Variants in SPINDOC observed in about 807,000 individuals in gnomAD.
The protein encoded by SPINDOC is spindlin interactor and repressor of chromatin binding, also known as spindlin interactor and repressor of chromatin-binding protein.
Under a neutral mutation model 30.7 loss-of-function variants are expected in SPINDOC, and 13 were observed. The ratio of observed to expected loss-of-function variants is 0.42; its 90% CI spans 0.28 to 0.67. The LOEUF is 0.67. Among genes scored for constraint, SPINDOC ranks in the 30% least tolerant of loss-of-function variants. The probability of loss-of-function intolerance (pLI) is 0.22; values close to 1 mark genes in which losing one functional copy is unlikely to be tolerated. For synonymous variants in SPINDOC, 228 were observed against 211.4 expected, an observed-to-expected ratio of 1.08 and a Z score of -0.68; for missense variants, 438 against 518.0, an observed-to-expected ratio of 0.85 and a Z score of 1.50.
At chr11:63,822,214 G>A (rs529109293) in intron 5 of SPINDOC, among the ~76,000 whole-genome samples, 2 of 152,028 alleles carry the variant, frequency 1.3e-5, no homozygotes, top group South Asian at 2.1e-4. Flanking sequence ...ATGTTGGTGT[G>A]CACCTCTAGT....
Position 63,827,174 on chromosome 11 carries a change from G to A in SPINDOC, c.*35G>A, listed in dbSNP as rs1176833308. 6.2e-7 allele frequency: 1 copy of A among 1,605,612 alleles called. No individual in the cohort carries two copies. Among genetic ancestry groups the A allele is most frequent in the African/African-American group, 1.3e-5 (1 of 74,792 alleles). On this transcript the variant is annotated 3_prime_UTR_variant, in exon 6 of 6. Transcript: ENST00000294244. ...TTCCTGGGGAGGGAGGGAGGGATGA[G>A]GCAGCGTCCCCCAGTGGCTTATAAC...
intron 5 of SPINDOC, among the ~76,000 whole-genome samples, chr11:63,823,683 C>T (rs1210102789): frequency 2.6e-5 from 4 of 151,862 alleles, no homozygotes; most frequent in Non-Finnish European, 5.9e-5. Context: ...GCAAGCTCCG[C>T]CTCCTCCCAG....
At chr11:63,825,747 G>A (rs10897450) in intron 5 of SPINDOC, among the ~76,000 whole-genome samples, 1 of 151,890 alleles carries the variant, frequency 6.6e-6, no homozygotes, top group South Asian at 2.1e-4. Context: ...GATAAAAATG[G>A]GGTGGCAGCC....
chr11:63,820,663 G>A (rs1179878320), intron 5 of SPINDOC, among the ~76,000 whole-genome samples: 4 of 151,084 alleles, frequency 2.6e-5, no homozygotes, highest in Admixed American at 1.3e-4. Context: ...AGGCTGAGAC[G>A]GGCGGATCAC....
At chr11:63,819,222 G>GT (rs2135145038) in intron 5 of SPINDOC, among the ~76,000 whole-genome samples, 1 of 152,294 alleles carries the variant, frequency 6.6e-6, no homozygotes, top group African/African-American at 2.4e-5. Flanking sequence ...CTGTTTGTTT[G>GT]TTTTTTGAGA....
chr11:63,820,821 C>T (rs1590934275), intron 5 of SPINDOC, among the ~76,000 whole-genome samples: 2 of 136,398 alleles, frequency 1.5e-5, no homozygotes, highest in Non-Finnish European at 3.1e-5. Flanking sequence ...ACCCGGGAGG[C>T]GGAGCTTGCA....
chr11:63,820,560 G>A (rs2015485898), intron 5 of SPINDOC, among the ~76,000 whole-genome samples: 1 of 151,864 alleles, frequency 6.6e-6, no homozygotes, highest in South Asian at 2.1e-4. Context: ...TTTCCTATTT[G>A]CTGCTGTAAC....
chr11:63,814,826 A>G (rs1400824066), intron 1 of SPINDOC, among the ~76,000 whole-genome samples: 2 of 152,208 alleles, frequency 1.3e-5, no homozygotes, highest in African/African-American at 2.4e-5. Flanking sequence ...ACTTCTGCTA[A>G]TATTTGTTGA....
chr11:63,821,848 A>G (rs2015530701), intron 5 of SPINDOC, among the ~76,000 whole-genome samples: 1 of 152,122 alleles, frequency 6.6e-6, no homozygotes, highest in Admixed American at 6.6e-5. Flanking sequence ...TCCCAGGCTC[A>G]AGCAGTCCTC....
intron 5 of SPINDOC, chr11:63,823,494 C>T (rs2015582476): frequency 6.2e-6 from 2 of 322,016 alleles, no homozygotes; most frequent in South Asian, 4.6e-5. Flanking sequence ...GAGGACCTTG[C>T]CAGAGGAGGA....
chr11:63,822,664 C>A, intron 5 of SPINDOC: 1 of 1,289,116 alleles, frequency 7.8e-7, no homozygotes, highest in Non-Finnish European at 1.0e-6. Context: ...TCCTGGCTCC[C>A]TGAGACCGAG....
chr11:63,818,509 G>A lies in SPINDOC; in HGVS notation c.608-18G>A, dbSNP rs1440602341. The A allele has an allele frequency of 1.2e-6, 2 of 1,609,942 alleles. No homozygotes were observed. Among genetic ancestry groups the A allele is most frequent in the African/African-American group, 1.3e-5 (1 of 74,690 alleles). ...GGATGGCCTCTTTAAAAGGGTATGA[G>A]GTCTTTTCTTTTTGCAGCTGTCCCT... On this transcript the variant is annotated intron_variant, in intron 3 of 5. Transcript: ENST00000294244. This position sits in a 1 kb window ranked among gnomAD's most constrained non-coding sequence, Gnocchi z 5.3.
chr11:63,817,439 G>A (rs1452840783), intron 1 of SPINDOC, among the ~76,000 whole-genome samples: 1 of 152,194 alleles, frequency 6.6e-6, no homozygotes, highest in Admixed American at 6.5e-5. Context: ...TCTATTGTCA[G>A]GGATTGGGGT....
At position 63,817,972 on chromosome 11, in the gene SPINDOC, C is replaced by T. The variant is rs748772025; in HGVS notation, c.295C>T (p.Arg99Trp). ...GTGCATGGTGTGTGGCGCTGAGATC[C>T]GGGCACCCTCGGCCGACACAGCTCG... The part of the protein sequence containing the change: ...ALCMVCGAEI[R>W]APSADTARSH... Residue 99 changes from arginine to tryptophan, a missense_variant, in exon 2 of 6, where the codon CGG (arginine) becomes TGG (tryptophan). Physicochemically the swap from Arg to Trp is moderately radical, Grantham distance 101 (BLOSUM62 -3). Coordinates refer to ENST00000294244, the MANE Select transcript of SPINDOC (RefSeq NM_138471.3). The T allele has an allele frequency of 1.4e-5, 23 of 1,614,004 alleles. No homozygotes were observed. The highest frequency in any genetic ancestry group is 2.2e-5 in the South Asian group (2 of 91,082).
At chr11:63,820,754 G>T (rs926087078) in intron 5 of SPINDOC, among the ~76,000 whole-genome samples, 1 of 151,202 alleles carries the variant, frequency 6.6e-6, no homozygotes, top group Non-Finnish European at 1.5e-5. Context: ...GCCGGGCATG[G>T]TGGCGCACGC....
rs1565075417 is a variant in SPINDOC, at chr11:63,818,007, C to T, written c.330C>T (p.Ile110=). 2 of 1,614,216 alleles carry T rather than the reference C, an allele frequency of 1.2e-6. No individual in the cohort carries two copies. The highest frequency in any genetic ancestry group is 1.1e-5 in the South Asian group (1 of 91,090). The part of the protein sequence containing the change: ...APSADTARSH[I]LEQHPHTLDL... ...CGGCCGACACAGCTCGCTCGCACAT[C>T]TTGGAGCAGCACCCTCACACCTTGG... The change falls in exon 2 of 6, where the codon ATC becomes ATT. Residue 110 remains isoleucine, a synonymous_variant. Transcript: ENST00000294244. The surrounding 1 kb of genome is among the most constrained non-coding windows in gnomAD (Gnocchi z 5.3).
At chr11:63,824,835 T>G (rs1275548622) in intron 5 of SPINDOC, among the ~76,000 whole-genome samples, 2 of 151,502 alleles carry the variant, frequency 1.3e-5, no homozygotes, top group Admixed American at 6.6e-5. Context: ...ACCCTACCCC[T>G]AGACTCCACA....
At chr11:63,822,468 A>G (rs2015551124) in intron 5 of SPINDOC, 2 of 582,528 alleles carry the variant, frequency 3.4e-6, no homozygotes. Context: ...GTTCACTGCT[A>G]TACCACTCTT....
chr11:63,821,461 A>C (rs982410796), intron 5 of SPINDOC, among the ~76,000 whole-genome samples: 2 of 152,202 alleles, frequency 1.3e-5, no homozygotes, highest in African/African-American at 4.8e-5. Flanking sequence ...TCCAGGGATT[A>C]GGGTGAGGGG....
Sources: gnomAD v4.1 joint callset for allele counts (sites outside exome capture counted in the v4.1 genomes callset) on GRCh38, gnomAD v4.1.1 for gene constraint, Gnocchi (gnomAD v3.1) non-coding constraint, MANE v1.5 for transcripts, NCBI Gene and HGNC (gene_info 2026-07-23, HGNC 2026-07-21) for gene names.